The following CALHM3 variants were observed in gnomAD, a reference collection of about 807,000 sequenced individuals.
CALHM3 encodes calcium homeostasis modulator protein 3.
CALHM3 carries 9 observed loss-of-function variants against 13.6 expected under a neutral mutation model. The observed-to-expected ratio is 0.66, with a 90% CI of 0.40 to 1.15. CALHM3 has a LOEUF of 1.15. Ranked by LOEUF, CALHM3 falls within the 50% of genes most tolerant of loss-of-function variation. The pLI is 0.01. For synonymous variants in CALHM3, 231 were observed against 213.2 expected (o/e 1.08, Z -0.73); for missense variants, 497 against 463.4 (o/e 1.07, Z -0.67).
In CALHM3 at chr10:103,473,229, T is replaced by C; in HGVS notation, c.1019A>G (p.Gln340Arg). 2 of 1,431,802 alleles carry C rather than the reference T, an allele frequency of 1.4e-6. No homozygotes were observed. Among genetic ancestry groups the C allele is most frequent in the Non-Finnish European group, 9.2e-7 (1 of 1,089,816 alleles). 88.7% of individuals were successfully genotyped at this position (1,431,802 alleles called of 1,614,324 possible). Reference protein sequence around the residue: ...PTLALGTRLSQHTDV With the variant: ...PTLALGTRLSRHTDV ...GCCAGGACCCTACACGTCGGTGTGT[T>C]GTGACAGCCTCGTGCCCAGTGCCAA... Residue 340 changes from glutamine to arginine, a missense_variant, in exon 3 of 3, where the codon CAA becomes CGA. Coordinates refer to ENST00000369783, the MANE Select transcript of CALHM3 (RefSeq NM_001129742.2).
intron 2 of CALHM3, among the ~76,000 whole-genome samples, 154 bp downstream of exon 2, chr10:103,476,140 G>A (rs1406484911): frequency 6.6e-6 from 1 of 152,226 alleles, no homozygotes; most frequent in Admixed American, 6.5e-5. Context: ...GTGGGCGCAG[G>A]CAAGGCAGAG....
In CALHM3 at chr10:103,478,847, G is replaced by A. The variant is rs1592164573; in HGVS notation, c.186C>T (p.Ala62=). The change falls in exon 1 of 3, where the codon GCC becomes GCT. Residue 62 remains alanine (A), a synonymous_variant. Coordinates refer to ENST00000369783, the MANE Select transcript of CALHM3 (RefSeq NM_001129742.2). The part of the protein sequence containing the change: ...GLGLLLTPPL[A]LFLCGLLANR... Reference sequence around the variant, plus strand: ...TGGCGAGGAGGCCGCAGAGAAACAGGGCGAGCGGGGGCGTCAGCAGCAGGC... The same window carrying A: ...TGGCGAGGAGGCCGCAGAGAAACAGAGCGAGCGGGGGCGTCAGCAGCAGGC... 1 of 1,551,692 alleles carries A rather than the reference G, an allele frequency of 6.4e-7. No individual in the cohort carries two copies. The highest frequency in any genetic ancestry group is 2.4e-5 in the East Asian group (1 of 40,926).
chr10:103,473,043 G>T lies in CALHM3; in HGVS notation c.*170C>A. On this transcript the variant is annotated 3_prime_UTR_variant, in exon 3 of 3. Transcript: ENST00000369783. ...GAGTCCACATTAAAGTTTGTGAAGC[G>T]CGCTGGAGGCCACACCCAGAAACTA... is the stretch of plus-strand genomic sequence containing the variant. 2 of 631,320 alleles carry T rather than the reference G, an allele frequency of 3.2e-6. No homozygotes were observed. Among genetic ancestry groups the T allele is most frequent in the Non-Finnish European group, 4.6e-6 (2 of 436,034 alleles). The allele number at this position is 631,320 out of a possible 1,614,324, so 39.1% of individuals were successfully genotyped here.
At chr10:103,474,819 T>C (rs2033370911) in intron 2 of CALHM3, among the ~76,000 whole-genome samples, 1 of 152,208 alleles carries the variant, frequency 6.6e-6, no homozygotes. Context: ...TCTTCCCATT[T>C]AGGCATCCAC....
At chr10:103,476,186 G>A in intron 2 of CALHM3, 108 bp downstream of exon 2, 1 of 1,442,190 alleles carries the variant, frequency 6.9e-7, no homozygotes, top group South Asian at 1.4e-5. Context: ...TCCTGGGAAT[G>A]GGCTGAGCCC....
At position 103,473,032 on chromosome 10, in the gene CALHM3, G is replaced by C; in HGVS notation, c.*181C>G. ...CTCGGTGAACCGAGTCCACATTAAA[G>C]TTTGTGAAGCGCGCTGGAGGCCACA... On this transcript the variant is annotated 3_prime_UTR_variant, in exon 3 of 3. Transcript: ENST00000369783. 1 of 564,986 alleles carries C rather than the reference G, an allele frequency of 1.8e-6. No individual in the cohort carries two copies. The highest frequency in any genetic ancestry group is 2.7e-6 in the Non-Finnish European group (1 of 377,044). 35.0% of individuals were successfully genotyped at this position (564,986 alleles called of 1,614,324 possible).
At chr10:103,473,981 A>G (rs561135876) in intron 2 of CALHM3, among the ~76,000 whole-genome samples, 18 of 152,346 alleles carry the variant, frequency 1.2e-4, no homozygotes, top group Middle Eastern at 3.4e-3. Context: ...TGATCATCAG[A>G]TTACATGTCC....
Position 103,479,205 on chromosome 10 carries a change from C to G in CALHM3, c.-173G>C, listed in dbSNP as rs2033429713. 2.8e-6 allele frequency: 2 copies of G among 723,890 alleles called. No homozygotes were observed. The highest frequency in any genetic ancestry group is 5.9e-5 in the Admixed American group (2 of 33,820). 44.8% of individuals were successfully genotyped at this position (723,890 alleles called of 1,614,324 possible). On this transcript the variant is annotated 5_prime_UTR_variant, in exon 1 of 3. Coordinates refer to ENST00000369783, the MANE Select transcript of CALHM3 (RefSeq NM_001129742.2). ...CAGTGCCCAGGCCCCAGCCCAGGCTCCCGGGATCCAGTAGGCACTTAAGGC... is the reference window on the plus strand; with the variant it reads ...CAGTGCCCAGGCCCCAGCCCAGGCTGCCGGGATCCAGTAGGCACTTAAGGC...
intron 1 of CALHM3, 82 bp downstream of exon 1, chr10:103,478,664 G>C: frequency 7.4e-6 from 10 of 1,358,900 alleles, no homozygotes; most frequent in Admixed American, 2.7e-5. Flanking sequence ...TTGGGGTCTG[G>C]GGGTGCACTT....
rs1592163791 is a variant in CALHM3, at chr10:103,476,322, A to G, written c.515T>C (p.Val172Ala). Residue 172 changes from valine to alanine, a missense_variant, in exon 2 of 3, where the codon GTG (valine) becomes GCG (alanine). By Grantham distance (64) the Val-to-Ala change is moderately conservative. Transcript: ENST00000369783. ...LVRDSPARKAVSRYLRCLSQA... is the reference protein window; with the variant it reads ...LVRDSPARKAASRYLRCLSQA... ...TGACAGGCACCGCAGGTAGCGAGAC[A>G]CTGCCTTCCGAGCAGGGCTATCCCT... The G allele has an allele frequency of 1.3e-6, 2 of 1,551,398 alleles. No individual in the cohort carries two copies. Among genetic ancestry groups the G allele is most frequent in the Non-Finnish European group, 1.7e-6 (2 of 1,146,982 alleles).
At chr10:103,476,236 G>C (rs1592163757) in intron 2 of CALHM3, 58 bp downstream of exon 2, 1 of 1,544,110 alleles carries the variant, frequency 6.5e-7, no homozygotes, top group East Asian at 2.5e-5. Flanking sequence ...CCCCACTCCA[G>C]AACCAATGCG....
chr10:103,477,819 C>T (rs1316397304), intron 1 of CALHM3, among the ~76,000 whole-genome samples: 2 of 152,104 alleles, frequency 1.3e-5, no homozygotes, highest in African/African-American at 2.4e-5. Flanking sequence ...GTGATCCACT[C>T]GCCTCGACCT....
rs1161518514 is a variant in CALHM3 at position 103,473,421 on chromosome 10, G to C, written c.827C>G (p.Pro276Arg). The change falls in exon 3 of 3, where the codon CCC (proline) becomes CGC (arginine). Residue 276 changes from proline to arginine, a missense_variant. By Grantham distance (103) the Pro-to-Arg change is moderately radical. Coordinates refer to ENST00000369783, the MANE Select transcript of CALHM3 (RefSeq NM_001129742.2). ...RRLELPAVPE[P>R]PEGLDSGSGK... ...ACTTCCACTATCCAGGCCTTCTGGG[G>C]GCTCAGGCACTGCGGGGAGCTCGAG... The C allele has an allele frequency of 6.6e-7, 1 of 1,521,542 alleles. No homozygotes were observed. Among genetic ancestry groups the C allele is most frequent in the African/African-American group, 1.4e-5 (1 of 72,610 alleles). The allele number at this position is 1,521,542 out of a possible 1,614,324, so 94.3% of individuals were successfully genotyped here. A position where few individuals can be genotyped will look rare whatever the true frequency, so the allele number is the denominator to read the frequency against.
Position 103,479,149 on chromosome 10 carries a change from CT to C in CALHM3, c.-118del. ...GGATCTGCAAGAGGTTCTCTCTCTG[CT>C]TCCAAGGGCCTGAGGGGCCAAGGAG... is the stretch of plus-strand genomic sequence containing the variant. On this transcript the variant is annotated 5_prime_UTR_variant, in exon 1 of 3. Coordinates refer to ENST00000369783, the MANE Select transcript of CALHM3 (RefSeq NM_001129742.2). 1 of 1,212,902 alleles carries C rather than the reference CT, an allele frequency of 8.2e-7. No individual in the cohort carries two copies. Among genetic ancestry groups the C allele is most frequent in the Non-Finnish European group, 1.1e-6 (1 of 886,276 alleles). The allele number at this position is 1,212,902 out of a possible 1,614,324, so 75.1% of individuals were successfully genotyped here.
chr10:103,473,295 G>A lies in CALHM3; in HGVS notation c.953C>T (p.Pro318Leu). Residue 318 changes from proline to leucine, a missense_variant, in exon 3 of 3, where the codon CCC (proline) becomes CTC (leucine). By Grantham distance (98) the Pro-to-Leu change is moderately conservative. Coordinates refer to ENST00000369783, the MANE Select transcript of CALHM3 (RefSeq NM_001129742.2). The part of the protein sequence containing the change: ...SKPPLDLAAS[P>L]GLCGGGLSHR... Reference sequence around the variant, plus strand: ...GCTAAGGCCACCCCCGCAGAGCCCGGGGGATGCAGCCAGGTCCAGCGGCGG... The same window carrying A: ...GCTAAGGCCACCCCCGCAGAGCCCGAGGGATGCAGCCAGGTCCAGCGGCGG... 3.4e-6 allele frequency: 5 copies of A among 1,481,838 alleles called. No homozygotes were observed. Among genetic ancestry groups the A allele is most frequent in the Admixed American group, 2.5e-5 (1 of 40,732 alleles). The allele number at this position is 1,481,838 out of a possible 1,614,324, so 91.8% of individuals were successfully genotyped here.
chr10:103,475,079 A>C (rs998486176), intron 2 of CALHM3, among the ~76,000 whole-genome samples: 4 of 152,164 alleles, frequency 2.6e-5, no homozygotes, highest in African/African-American at 7.2e-5. Flanking sequence ...AAACTGAAGT[A>C]GTTCTCTAAA....
chr10:103,478,604 C>T, intron 1 of CALHM3, 142 bp downstream of exon 1: 1 of 843,956 alleles, frequency 1.2e-6, no homozygotes, highest in Non-Finnish European at 1.7e-6. Flanking sequence ...AGAGGGCGCA[C>T]CTGGCAGTAC....
chr10:103,473,497 G>GC lies in CALHM3; in HGVS notation c.750dup (p.Arg251AlafsTer3). ...AGCCCCCGCGCCTGCAGCTCACTCC[G>GC]CATGCTGGCAAAGAAGTGCAGCACG... On this transcript the variant is annotated frameshift_variant, in exon 3 of 3. Coordinates refer to ENST00000369783, the MANE Select transcript of CALHM3 (RefSeq NM_001129742.2). LOFTEE classifies it low-confidence loss of function (END_TRUNC). 6.4e-7 allele frequency: 1 copy of GC among 1,550,690 alleles called. No individual in the cohort carries two copies.
chr10:103,473,687 G>A lies in CALHM3; in HGVS notation c.561C>T (p.Val187=), dbSNP rs775344472. 2.6e-5 allele frequency: 40 copies of A among 1,548,448 alleles called. No individual in the cohort carries two copies. The Middle Eastern group carries it at 5.0e-4, about 19-fold the overall frequency. ...AGGCCGCGATGATCAGCAGCAGGGT[G>A]ACGCTCCAGCCGATGGCCTGCAAAG... The part of the protein sequence containing the change: ...RCLSQAIGWS[V]TLLLIIAAFL... Residue 187 remains valine (V), a synonymous_variant, in exon 3 of 3, where the codon GTC becomes GTT. Coordinates refer to ENST00000369783, the MANE Select transcript of CALHM3 (RefSeq NM_001129742.2).
Sources: gnomAD v4.1 joint callset for allele counts (sites outside exome capture counted in the v4.1 genomes callset) on GRCh38, gnomAD v4.1.1 for gene constraint, MANE v1.5 for transcripts, NCBI Gene and HGNC (gene_info 2026-07-23, HGNC 2026-07-21) for gene names.